The following DLEU7 variants were observed in gnomAD, a reference collection of about 807,000 sequenced individuals.
DLEU7 encodes the protein leukemia-associated protein 7.
DLEU7 carries 17 observed loss-of-function variants against 16.0 expected under a neutral mutation model. The ratio of observed to expected loss-of-function variants is 1.06; its 90% CI spans 0.73 to 1.59. The LOEUF (loss-of-function observed/expected upper bound fraction) is 1.59, where lower values mean the gene tolerates loss of function less well. DLEU7 is among the 40% of genes most tolerant of loss of function. The probability of loss-of-function intolerance (pLI) is 0.00; values close to 1 mark genes in which losing one functional copy is unlikely to be tolerated. For synonymous variants in DLEU7, 113 were observed against 139.8 expected, an observed-to-expected ratio of 0.81 and a Z score of 1.35; for missense variants, 308 against 314.9, an observed-to-expected ratio of 0.98 and a Z score of 0.17.
Position 50,746,326 on chromosome 13 carries a change from G to A in DLEU7, c.460-33086C>T, listed in dbSNP as rs577870561. ...ATGAAAGGAAAATAGCTCAAGAAATGCTAAAAAATAACTGTTGCCTAGTTC... is the reference window on the plus strand; with the variant it reads ...ATGAAAGGAAAATAGCTCAAGAAATACTAAAAAATAACTGTTGCCTAGTTC... On this transcript the variant is annotated intron_variant, in intron 1 of 1. Transcript: ENST00000400393. 4.6e-5 allele frequency among the ~76,000 whole-genome samples: 7 copies of A among 152,086 alleles called. No homozygotes were observed. The East Asian group carries it at 1.3e-3, about 29-fold the overall frequency.
chr13:50,761,431 A>C (rs9568470), intron 1 of DLEU7, among the ~76,000 whole-genome samples: 4,220 of 151,776 alleles, frequency 0.028, 266 homozygotes, highest in East Asian at 0.22. Flanking sequence ...TGTGCAAAAA[A>C]AAGAGGGAAG....
At chr13:50,712,029 A>T (rs1873309744) in exon 2 of DLEU7, 1 of 152,210 alleles carries the variant, frequency 6.6e-6, no homozygotes, top group South Asian at 2.1e-4. Context: ...CATTAAATTT[A>T]ACTGTAGGGA....
At position 50,765,894 on chromosome 13, in the gene DLEU7, C is replaced by A. The variant is rs1875087001; in HGVS notation, c.460-52654G>T. Among the ~76,000 whole-genome samples, 4 of 152,274 alleles carry A rather than the reference C, an allele frequency of 2.6e-5. No homozygotes were observed. The South Asian group carries it at 8.3e-4, about 32-fold the overall frequency. On this transcript the variant is annotated intron_variant, in intron 1 of 1. Coordinates refer to the DLEU7 transcript ENST00000400393. ...GCATTGCGTGGATTATTTGGAGGCT[C>A]AAAAGGGGTCAAATGCTTTTTCTCT...
intron 1 of DLEU7, among the ~76,000 whole-genome samples, chr13:50,766,286 C>T (rs1277230986): frequency 6.6e-6 from 1 of 152,216 alleles, no homozygotes; most frequent in African/African-American, 2.4e-5. Flanking sequence ...ATGTTCAGCA[C>T]AGCTGCAGCG....
chr13:50,813,556 C>T (rs1321064569), intron 1 of DLEU7, among the ~76,000 whole-genome samples: 1 of 151,920 alleles, frequency 6.6e-6, no homozygotes, highest in Non-Finnish European at 1.5e-5. Context: ...TTATTATCTA[C>T]TTTAAAAATA....
chr13:50,791,999 AT>A (rs1875972771), intron 1 of DLEU7, among the ~76,000 whole-genome samples: 1 of 152,070 alleles, frequency 6.6e-6, no homozygotes, highest in Non-Finnish European at 1.5e-5. Context: ...AATCTCTTAC[AT>A]TTTTTTAGGA....
chr13:50,798,792 C>A (rs9535481), intron 1 of DLEU7, among the ~76,000 whole-genome samples: 13,837 of 152,242 alleles, frequency 0.091, 898 homozygotes, highest in East Asian at 0.16. Context: ...ACTGTCAAAG[C>A]ACTAGTGCAC....
In DLEU7 at chr13:50,843,434, GC is replaced by G; in HGVS notation, c.212del (p.Gly71AlafsTer20). On this transcript the variant is annotated frameshift_variant, in exon 1 of 2. Coordinates refer to ENST00000504404, the MANE Select transcript of DLEU7 (RefSeq NM_001306135.2). LOFTEE classifies it high-confidence loss of function. This position sits in a 1 kb window ranked among gnomAD's most constrained non-coding sequence, Gnocchi z 5.7. ...CGGTCCGCCGACTCCTGGTCCCCAC[GC>G]CCCCGCCCCGCTCCTCGCGCCCGGG... ...PGPGREERGG[G>X]VGTRSRRTAA... The G allele has an allele frequency of 2.3e-6, 3 of 1,307,334 alleles. No homozygotes were observed. The highest frequency in any genetic ancestry group is 2.4e-5 in the South Asian group (1 of 40,886). The allele number at this position is 1,307,334 out of a possible 1,614,324, so 81.0% of individuals were successfully genotyped here. A position where few individuals can be genotyped will look rare whatever the true frequency, so the allele number is the denominator to read the frequency against.
At position 50,770,306 on chromosome 13, in the gene DLEU7, A is replaced by G. The variant is rs373014184; in HGVS notation, c.460-57066T>C. Among the ~76,000 whole-genome samples, 71 of 152,260 alleles carry G rather than the reference A, an allele frequency of 4.7e-4. No homozygotes were observed. In the East Asian group the frequency reaches 0.011, roughly 23 times the overall value. ...TGCCCTGGCCAGAACTTCCAACACT[A>G]TGTTGAATAGGAGTGGTGAGAGAGG... On this transcript the variant is annotated intron_variant, in intron 1 of 1. Coordinates refer to the DLEU7 transcript ENST00000400393.
At chr13:50,779,218 T>A (rs1875586113) in intron 1 of DLEU7, among the ~76,000 whole-genome samples, 1 of 152,176 alleles carries the variant, frequency 6.6e-6, no homozygotes, top group South Asian at 2.1e-4. Context: ...GAATTAAGAT[T>A]CGGAATCTCC....
intron 1 of DLEU7, among the ~76,000 whole-genome samples, chr13:50,787,803 TC>T (rs1258681110): frequency 6.7e-6 from 1 of 149,232 alleles, no homozygotes; most frequent in African/African-American, 2.5e-5. Flanking sequence ...CACCCCCATC[TC>T]CCCGATGGAC....
chr13:50,818,791 T>A (rs912139942), downstream of DLEU7, among the ~76,000 whole-genome samples: 4 of 152,162 alleles, frequency 2.6e-5, no homozygotes, highest in African/African-American at 9.6e-5. Context: ...ATTCCCTGAC[T>A]GTGGGCCCGT....
chr13:50,815,189 G>A (rs535510344), intron 1 of DLEU7, among the ~76,000 whole-genome samples: 1 of 152,156 alleles, frequency 6.6e-6, no homozygotes, highest in Non-Finnish European at 1.5e-5. Flanking sequence ...GTAGCTAAAA[G>A]ACATCTTGGA....
chr13:50,751,837 A>C (rs1874574094), intron 1 of DLEU7, among the ~76,000 whole-genome samples: 1 of 151,926 alleles, frequency 6.6e-6, no homozygotes, highest in Non-Finnish European at 1.5e-5. Context: ...TTCTTGGTTA[A>C]CCTTGGTAAT....
At chr13:50,741,714 A>G (rs905066243) in intron 1 of DLEU7, among the ~76,000 whole-genome samples, 2 of 152,288 alleles carry the variant, frequency 1.3e-5, no homozygotes, top group Admixed American at 1.3e-4. Flanking sequence ...TTCTCAATTA[A>G]TATCATAAAA....
chr13:50,752,500 C>T (rs1366660057), intron 1 of DLEU7, among the ~76,000 whole-genome samples: 1 of 152,082 alleles, frequency 6.6e-6, no homozygotes, highest in African/African-American at 2.4e-5. Context: ...AGCCGTGGAC[C>T]CTCGCGGTGA....
chr13:50,765,403 G>A (rs1875072461), intron 1 of DLEU7, among the ~76,000 whole-genome samples: 1 of 152,028 alleles, frequency 6.6e-6, no homozygotes, highest in Non-Finnish European at 1.5e-5. Context: ...ATAAATGGAA[G>A]AAGACAAGGG....
intron 1 of DLEU7, among the ~76,000 whole-genome samples, chr13:50,744,222 C>A (rs1231369757): frequency 6.6e-6 from 1 of 152,190 alleles, no homozygotes; most frequent in Non-Finnish European, 1.5e-5. Context: ...GTCAACCCCA[C>A]AAGCCCTCTC....
chr13:50,823,315 C>T lies in DLEU7; in HGVS notation c.665G>A (p.Ter222=). 1 of 1,535,452 alleles carries T rather than the reference C, an allele frequency of 6.5e-7. No homozygotes were observed. The highest frequency in any genetic ancestry group is 8.7e-7 in the Non-Finnish European group (1 of 1,146,408). Residue 222 remains the stop codon, a stop_retained_variant, in exon 2 of 2, where the codon TGA becomes TAA. Transcript: ENST00000504404. ...TTTTACTCCCGATGCCTTTAACACT[C>T]ATATGTCTGGGAGATTCTGTAAGAT... is the stretch of plus-strand genomic sequence containing the variant. ...RQILQNLPDI[*]
Sources: allele counts gnomAD v4.1 joint callset (sites outside exome capture counted in the v4.1 genomes callset), GRCh38; gene constraint gnomAD v4.1.1; non-coding constraint Gnocchi (gnomAD v3.1); transcripts MANE v1.5; gene names NCBI Gene and HGNC (gene_info 2026-07-23, HGNC 2026-07-21).